Variants in ULK4 observed in about 807,000 individuals in gnomAD.
ULK4 encodes the protein inactive serine/threonine-protein kinase ULK4.
In ULK4, 133 loss-of-function variants were observed where a neutral mutation model predicts 160.6. The observed-to-expected ratio is 0.83, with a 90% CI of 0.72 to 0.96. The LOEUF is 0.96. Ranked by LOEUF, ULK4 falls within the 40% of genes least tolerant of loss-of-function variation. The pLI is 0.00. For synonymous variants in ULK4, 534 were observed against 539.8 expected (o/e 0.99, Z 0.15); for missense variants, 1,580 against 1,499.5 (o/e 1.05, Z -0.89).
chr3:41,296,644 G>C (rs1002237460), intron 35 of ULK4, among the ~76,000 whole-genome samples: 3 of 151,988 alleles, frequency 2.0e-5, no homozygotes, highest in Non-Finnish European at 4.4e-5. Flanking sequence ...AGGAGAAAGG[G>C]AGGCAGCCAC....
intron 34 of ULK4, among the ~76,000 whole-genome samples, chr3:41,435,586 T>C (rs1559599725): frequency 1.3e-5 from 2 of 152,208 alleles, no homozygotes; most frequent in Non-Finnish European, 2.9e-5. Context: ...ATGCATACAA[T>C]TACTTTTGGA....
At chr3:41,247,945 A>G (rs1360352165) in intron 36 of ULK4, among the ~76,000 whole-genome samples, 3 of 152,228 alleles carry the variant, frequency 2.0e-5, no homozygotes, top group Non-Finnish European at 4.4e-5. Context: ...TGCAGGAGCA[A>G]CTTCCCCGCC....
intron 16 of ULK4, among the ~76,000 whole-genome samples, chr3:41,886,673 T>G (rs564305244): frequency 6.6e-6 from 1 of 151,926 alleles, no homozygotes; most frequent in Non-Finnish European, 1.5e-5. Flanking sequence ...CCTCCTGGGT[T>G]CAAGCCATTC....
chr3:41,888,335 C>T (rs894957635), intron 16 of ULK4, among the ~76,000 whole-genome samples: 1 of 152,044 alleles, frequency 6.6e-6, no homozygotes, highest in African/African-American at 2.4e-5. Context: ...TAACTGATAA[C>T]TAGAAACAAA....
intron 35 of ULK4, among the ~76,000 whole-genome samples, chr3:41,360,735 G>A (rs969694229): frequency 5.3e-5 from 8 of 152,202 alleles, no homozygotes; most frequent in African/African-American, 1.7e-4. Flanking sequence ...ATGTACACAC[G>A]AAGGGGAACA....
intron 36 of ULK4, among the ~76,000 whole-genome samples, chr3:41,247,431 C>CA (rs1403430830): frequency 2.6e-5 from 4 of 152,196 alleles, no homozygotes; most frequent in African/African-American, 4.8e-5. Context: ...TGTGGATGTG[C>CA]AATTAAGAGC....
intron 17 of ULK4, among the ~76,000 whole-genome samples, chr3:41,850,664 T>C (rs187785357): frequency 6.6e-6 from 1 of 152,148 alleles, no homozygotes; most frequent in African/African-American, 2.4e-5. Context: ...GGGTTGTTTT[T>C]TTCTTGTAAA....
At chr3:41,342,423 T>A (rs2080707129) in intron 35 of ULK4, among the ~76,000 whole-genome samples, 1 of 152,200 alleles carries the variant, frequency 6.6e-6, no homozygotes, top group African/African-American at 2.4e-5. Context: ...AGGCCTTTAA[T>A]AATTAGGGTG....
chr3:41,776,669 A>G (rs376799775), intron 21 of ULK4, among the ~76,000 whole-genome samples: 4 of 136,384 alleles, frequency 2.9e-5, no homozygotes, highest in East Asian at 2.0e-4. Flanking sequence ...TTCTGCATCT[A>G]TTGAGATAAT....
In ULK4 at chr3:41,249,577, G is replaced by A. The variant is rs748459201; in HGVS notation, c.3679-3C>T. 12 of 1,613,332 alleles carry A rather than the reference G, an allele frequency of 7.4e-6. No individual in the cohort carries two copies. In the Admixed American group the frequency reaches 1.7e-4, roughly 22 times the overall value. On this transcript the variant is annotated splice_polypyrimidine_tract_variant and splice_region_variant and intron_variant, in intron 35 of 36. Coordinates refer to ENST00000301831, the MANE Select transcript of ULK4 (RefSeq NM_017886.4). Reference sequence around the variant, plus strand: ...AAGTGCTTCTCATTGGAGGTGATCTGCAAGGGCAGGAGGAAGAAGACAGTG... The same window carrying A: ...AAGTGCTTCTCATTGGAGGTGATCTACAAGGGCAGGAGGAAGAAGACAGTG...
chr3:41,532,898 G>A (rs536020823), intron 32 of ULK4, among the ~76,000 whole-genome samples: 17 of 152,306 alleles, frequency 1.1e-4, no homozygotes, highest in African/African-American at 2.6e-4. Flanking sequence ...GTCATTAAGA[G>A]CTAGAGTCTC....
At chr3:41,368,644 G>A (rs2081300129) in intron 35 of ULK4, among the ~76,000 whole-genome samples, 1 of 152,106 alleles carries the variant, frequency 6.6e-6, no homozygotes, top group South Asian at 2.1e-4. Context: ...ACATCATGTG[G>A]TGCTTTGTGT....
At chr3:41,324,057 C>T (rs142099974) in intron 35 of ULK4, among the ~76,000 whole-genome samples, 5 of 152,230 alleles carry the variant, frequency 3.3e-5, no homozygotes, top group Non-Finnish European at 5.9e-5. Context: ...GCCAGGTCAG[C>T]CCAAGCTCAG....
intron 22 of ULK4, among the ~76,000 whole-genome samples, chr3:41,731,150 C>G (rs2037808574): frequency 6.7e-6 from 1 of 150,044 alleles, no homozygotes; most frequent in Non-Finnish European, 1.5e-5. Flanking sequence ...TACTCACTTT[C>G]ATCACTTTTA....
intron 35 of ULK4, among the ~76,000 whole-genome samples, chr3:41,366,682 T>C (rs1383970837): frequency 6.6e-6 from 1 of 152,196 alleles, no homozygotes; most frequent in Non-Finnish European, 1.5e-5. Context: ...CATTGTATAT[T>C]ATACCATTGT....
intron 32 of ULK4, among the ~76,000 whole-genome samples, chr3:41,528,134 T>C (rs2125937698): frequency 6.6e-6 from 1 of 152,232 alleles, no homozygotes; most frequent in South Asian, 2.1e-4. Flanking sequence ...GAAGAAAAAT[T>C]CAAATAGTAT....
intron 27 of ULK4, among the ~76,000 whole-genome samples, chr3:41,704,594 G>A (rs1408684532): frequency 6.6e-6 from 1 of 152,168 alleles, no homozygotes. Context: ...GAGGACATAT[G>A]TCAATGTGTA....
intron 17 of ULK4, chr3:41,854,871 T>C (rs538529396): frequency 3.1e-4 from 46 of 148,116 alleles, no homozygotes; most frequent in African/African-American, 1.0e-3. Context: ...AGAACTTACC[T>C]AGATCAGGTG....
chr3:41,811,723 T>TG (rs2040824666), intron 19 of ULK4, among the ~76,000 whole-genome samples: 1 of 152,164 alleles, frequency 6.6e-6, no homozygotes, highest in African/African-American at 2.4e-5. Context: ...TAAACAAACT[T>TG]GGACAGTTTT....
Sources: gnomAD v4.1 joint callset for allele counts (sites outside exome capture counted in the v4.1 genomes callset) on GRCh38, gnomAD v4.1.1 for gene constraint, MANE v1.5 for transcripts, NCBI Gene and HGNC (gene_info 2026-07-23, HGNC 2026-07-21) for gene names.